Variants in WDR41 observed in about 807,000 individuals in gnomAD.
The protein encoded by WDR41 is WD repeat-containing protein 41.
Under a neutral mutation model 69.3 loss-of-function variants are expected in WDR41, and 63 were observed. The ratio of observed to expected loss-of-function variants is 0.91; its 90% CI spans 0.74 to 1.12. The LOEUF (loss-of-function observed/expected upper bound fraction) is 1.12, where lower values mean the gene tolerates loss of function less well. Among genes scored for constraint, WDR41 ranks in the 50% most tolerant of loss-of-function variants. The pLI is 0.00. For synonymous variants in WDR41, 185 were observed against 192.1 expected, an observed-to-expected ratio of 0.96 and a Z score of 0.31; for missense variants, 543 against 534.5, an observed-to-expected ratio of 1.02 and a Z score of -0.16.
chr5:77,455,780 C>T (rs746751077), intron 5 of WDR41, among the ~76,000 whole-genome samples: 2 of 152,088 alleles, frequency 1.3e-5, no homozygotes, highest in Non-Finnish European at 2.9e-5. Flanking sequence ...TACTTCTGGG[C>T]CTTTAATTCG....
intron 1 of WDR41, among the ~76,000 whole-genome samples, chr5:77,583,283 G>A (rs1424099930): frequency 6.6e-6 from 1 of 151,866 alleles, no homozygotes; most frequent in Non-Finnish European, 1.5e-5. Context: ...AGGAGGGCAA[G>A]GTGGGTGGAA....
chr5:77,478,376 A>G (rs1801063966), intron 2 of WDR41, among the ~76,000 whole-genome samples: 2 of 152,226 alleles, frequency 1.3e-5, no homozygotes, highest in Non-Finnish European at 2.9e-5. Context: ...TAACCGAAAA[A>G]GAGAATTTTA....
chr5:77,602,144 C>CT (rs558070506), intron 1 of WDR41, among the ~76,000 whole-genome samples: 3,020 of 144,756 alleles, frequency 0.021, 91 homozygotes, highest in African/African-American at 0.07. Flanking sequence ...TCATTCTACT[C>CT]TTTTTTTTTT....
At chr5:77,564,402 C>T (rs11960623) in intron 1 of WDR41, among the ~76,000 whole-genome samples, 10,830 of 152,092 alleles carry the variant, frequency 0.071, 509 homozygotes, top group Admixed American at 0.14. Flanking sequence ...AAAAACTAAA[C>T]GAATTGCATT....
At position 77,485,019 on chromosome 5, in the gene WDR41, C is replaced by T. The variant is rs114158998; in HGVS notation, c.167+4438G>A. On this transcript the variant is annotated intron_variant, in intron 2 of 12. Coordinates refer to ENST00000296679, the MANE Select transcript of WDR41 (RefSeq NM_018268.4). ...AGTACAAAGCCCTAGTTATTTACAT[C>T]CAGTAGAGAACTCTTAAAAAGCAGC... Among the ~76,000 whole-genome samples, 517 of 152,308 alleles carry T rather than the reference C, an allele frequency of 3.4e-3. 4 individuals are homozygous for T. The highest frequency in any genetic ancestry group is 0.012 in the African/African-American group (486 of 41,564).
intron 8 of WDR41, among the ~76,000 whole-genome samples, chr5:77,446,626 T>G (rs1027837523): frequency 6.6e-6 from 1 of 151,990 alleles, no homozygotes; most frequent in Admixed American, 6.6e-5. Context: ...ACACCACACA[T>G]CTACAGCCAT....
At chr5:77,530,555 T>C (rs190240081) in intron 1 of WDR41, among the ~76,000 whole-genome samples, 1 of 151,844 alleles carries the variant, frequency 6.6e-6, no homozygotes, top group East Asian at 1.9e-4. Context: ...AGTTCTAGAA[T>C]AGGCAAAACT....
At chr5:77,565,788 A>T (rs917710975) in intron 1 of WDR41, among the ~76,000 whole-genome samples, 1 of 152,058 alleles carries the variant, frequency 6.6e-6, no homozygotes, top group Admixed American at 6.6e-5. Context: ...GCTGTTTTAT[A>T]CTTCTCCTAC....
chr5:77,617,567 T>TCATTAAAACTAGG, intron 1 of WDR41, among the ~76,000 whole-genome samples: 1 of 152,294 alleles, frequency 6.6e-6, no homozygotes, highest in East Asian at 1.9e-4. Context: ...AATATCATAG[T>TCATTAAAACTAGG]CATTAAAACT....
intron 4 of WDR41, among the ~76,000 whole-genome samples, chr5:77,459,752 C>A (rs1019382450): frequency 6.6e-6 from 1 of 152,130 alleles, no homozygotes; most frequent in Admixed American, 6.5e-5. Flanking sequence ...GTATGTACTA[C>A]GTATACAAAT....
intron 1 of WDR41, among the ~76,000 whole-genome samples, chr5:77,577,200 T>A (rs192080313): frequency 1.2e-3 from 180 of 152,150 alleles, no homozygotes; most frequent in Non-Finnish European, 2.1e-3. Flanking sequence ...TCAGCTAAGT[T>A]CTAAAAACTG....
intron 1 of WDR41, among the ~76,000 whole-genome samples, chr5:77,518,235 T>C (rs145073493): frequency 1.3e-5 from 2 of 152,164 alleles, no homozygotes; most frequent in Non-Finnish European, 2.9e-5. Flanking sequence ...TGTAACCCTA[T>C]TGCATCTCAT....
At chr5:77,535,997 C>A (rs1378128283) in intron 1 of WDR41, among the ~76,000 whole-genome samples, 1 of 152,110 alleles carries the variant, frequency 6.6e-6, no homozygotes, top group African/African-American at 2.4e-5. Context: ...TCACAATGAA[C>A]TTTGGTCATC....
intron 1 of WDR41, among the ~76,000 whole-genome samples, chr5:77,512,094 A>T (rs1802211735): frequency 6.6e-6 from 1 of 152,226 alleles, no homozygotes; most frequent in Non-Finnish European, 1.5e-5. Flanking sequence ...TGAAAATGCT[A>T]AAATAAATGT....
At chr5:77,516,938 A>G (rs560679599) in intron 1 of WDR41, among the ~76,000 whole-genome samples, 20 of 151,862 alleles carry the variant, frequency 1.3e-4, no homozygotes, top group African/African-American at 4.8e-4. Flanking sequence ...AATCGCTCGA[A>G]CTTGGGATTG....
chr5:77,491,155 T>G (rs1360709869), intron 1 of WDR41: 1 of 406,182 alleles, frequency 2.5e-6, no homozygotes, highest in Non-Finnish European at 5.0e-6. Context: ...ACCACAAAAG[T>G]GAAAATGGCC....
At chr5:77,495,689 T>G (rs1397780321), upstream of WDR41, among the ~76,000 whole-genome samples, 4 of 151,888 alleles carry the variant, frequency 2.6e-5, no homozygotes, top group African/African-American at 9.7e-5. Flanking sequence ...TACCAAACAT[T>G]TAAAGAAGAA....
intron 1 of WDR41, among the ~76,000 whole-genome samples, chr5:77,534,084 C>T (rs1036479663): frequency 2.2e-4 from 34 of 152,078 alleles, no homozygotes; most frequent in Middle Eastern, 3.4e-3. Context: ...AAATGTTCAC[C>T]GCTGCAGCTG....
intron 1 of WDR41, among the ~76,000 whole-genome samples, chr5:77,584,351 A>C (rs914050252): frequency 6.6e-6 from 1 of 152,218 alleles, no homozygotes; most frequent in Non-Finnish European, 1.5e-5. Context: ...TAAGGGATAC[A>C]CTAAAAAACT....
Sources: allele counts gnomAD v4.1 joint callset (sites outside exome capture counted in the v4.1 genomes callset), GRCh38; gene constraint gnomAD v4.1.1; transcripts MANE v1.5; gene names NCBI Gene and HGNC (gene_info 2026-07-23, HGNC 2026-07-21).